The following STAU2 variants were observed in gnomAD, a reference collection of about 807,000 sequenced individuals.
STAU2 encodes the protein double-stranded RNA-binding protein Staufen homolog 2.
Under a neutral mutation model 65.9 loss-of-function variants are expected in STAU2, and 20 were observed. The ratio of observed to expected loss-of-function variants is 0.30; its 90% confidence interval spans 0.21 to 0.44. STAU2 has a LOEUF of 0.44. Ranked by LOEUF, STAU2 falls within the 20% of genes least tolerant of loss-of-function variation. The pLI is 1.00. For synonymous variants in STAU2, 232 were observed against 233.9 expected (o/e 0.99, Z 0.07); for missense variants, 558 against 683.9 (o/e 0.82, Z 2.05).
intron 6 of STAU2, among the ~76,000 whole-genome samples, chr8:73,627,917 G>C (rs1813808914): frequency 6.6e-6 from 1 of 151,792 alleles, no homozygotes; most frequent in Admixed American, 6.6e-5. Flanking sequence ...AATTTTGTCT[G>C]TATCAACTTT....
chr8:73,477,368 A>G (rs1247770397), intron 13 of STAU2, among the ~76,000 whole-genome samples: 1 of 152,210 alleles, frequency 6.6e-6, no homozygotes, highest in South Asian at 2.1e-4. Flanking sequence ...TTTTTCAACA[A>G]AAGAGATCAA....
intron 13 of STAU2, among the ~76,000 whole-genome samples, chr8:73,507,020 C>G (rs938054506): frequency 6.6e-6 from 1 of 152,162 alleles, no homozygotes; most frequent in African/African-American, 2.4e-5. Context: ...ACTATTTCTA[C>G]CACACCAGTA....
At chr8:73,582,299 T>A (rs1307993278) in intron 12 of STAU2, among the ~76,000 whole-genome samples, 1 of 151,924 alleles carries the variant, frequency 6.6e-6, no homozygotes, top group Non-Finnish European at 1.5e-5. Flanking sequence ...TAGGCAATGT[T>A]AAGTGAAAAC....
At chr8:73,610,036 T>C (rs1812330562) in intron 9 of STAU2, among the ~76,000 whole-genome samples, 1 of 152,118 alleles carries the variant, frequency 6.6e-6, no homozygotes, top group Non-Finnish European at 1.5e-5. Context: ...CGCAGCACTT[T>C]GGGAGGCCAA....
intron 13 of STAU2, among the ~76,000 whole-genome samples, chr8:73,479,578 A>G (rs929829915): frequency 6.6e-6 from 1 of 152,044 alleles, no homozygotes; most frequent in African/African-American, 2.4e-5. Flanking sequence ...CATTAAAATA[A>G]AAATGATAAT....
intron 5 of STAU2, among the ~76,000 whole-genome samples, chr8:73,679,665 T>C (rs1178846060): frequency 7.3e-6 from 1 of 136,668 alleles, no homozygotes; most frequent in East Asian, 2.5e-4. Context: ...GTGGATCGCT[T>C]GAGCCCAGTT....
intron 13 of STAU2, among the ~76,000 whole-genome samples, chr8:73,485,973 T>TG (rs1820890015): frequency 1.3e-5 from 2 of 152,240 alleles, no homozygotes; most frequent in African/African-American, 4.8e-5. Context: ...AAGGACTGTG[T>TG]GGGGGTCCAG....
chr8:73,463,062 T>C (rs945461977), intron 13 of STAU2, among the ~76,000 whole-genome samples: 1 of 152,198 alleles, frequency 6.6e-6, no homozygotes, highest in Admixed American at 6.5e-5. Context: ...TGAGGCACAG[T>C]GGAGAAGCAG....
rs184535238 is a variant in STAU2, at chr8:73,435,797, T to C, written c.1531-13095A>G. On this transcript the variant is annotated intron_variant, in intron 13 of 14. Transcript: ENST00000524300. ...GTCTGGGGTCTGCAAAGGAGATGCC[T>C]GGGAAACCTTATCTGGGAGGACTCC... 1.5e-4 allele frequency among the ~76,000 whole-genome samples: 23 copies of C among 152,060 alleles called. 1 individual carries two copies. Among genetic ancestry groups the C allele is most frequent in the Admixed American group, 4.6e-4 (7 of 15,300 alleles).
intron 13 of STAU2, among the ~76,000 whole-genome samples, chr8:73,512,268 G>T (rs1177073654): frequency 1.3e-5 from 2 of 152,108 alleles, no homozygotes; most frequent in African/African-American, 2.4e-5. Flanking sequence ...AGATCAGCTT[G>T]TCAACTGCTA....
intron 13 of STAU2, among the ~76,000 whole-genome samples, chr8:73,449,270 A>G (rs532800044): frequency 9.8e-5 from 15 of 152,326 alleles, no homozygotes; most frequent in African/African-American, 3.6e-4. Flanking sequence ...CGGAAGTCCA[A>G]GAGCAGGCAT....
chr8:73,668,921 C>G, intron 6 of STAU2: 1 of 633,710 alleles, frequency 1.6e-6, no homozygotes, highest in Non-Finnish European at 2.8e-6. Flanking sequence ...CCTAATTTTG[C>G]TTAATATTAC....
intron 4 of STAU2, among the ~76,000 whole-genome samples, chr8:73,691,107 C>T (rs2130540849): frequency 6.6e-6 from 1 of 152,250 alleles, no homozygotes; most frequent in East Asian, 1.9e-4. Context: ...ATTAAATTTA[C>T]TCTGCATGTC....
At chr8:73,634,285 CT>C in intron 6 of STAU2, among the ~76,000 whole-genome samples, 1 of 151,988 alleles carries the variant, frequency 6.6e-6, no homozygotes, top group East Asian at 1.9e-4. Flanking sequence ...TGCTCAAAAC[CT>C]GCGTTGGCCG....
At chr8:73,481,668 A>T (rs1321827077) in intron 13 of STAU2, among the ~76,000 whole-genome samples, 1 of 152,154 alleles carries the variant, frequency 6.6e-6, no homozygotes, top group Non-Finnish European at 1.5e-5. Flanking sequence ...TATGCAAAGA[A>T]CTAAAATGTT....
intron 12 of STAU2, among the ~76,000 whole-genome samples, chr8:73,567,452 A>G (rs796323493): frequency 5.9e-5 from 9 of 152,274 alleles, no homozygotes; most frequent in African/African-American, 1.9e-4. Flanking sequence ...GGTGGCAGTG[A>G]GCCAAGATTA....
At chr8:73,600,771 T>C (rs758576356) in intron 10 of STAU2, among the ~76,000 whole-genome samples, 14 of 152,352 alleles carry the variant, frequency 9.2e-5, no homozygotes, top group Non-Finnish European at 1.6e-4. Context: ...CCTATTCTGA[T>C]ACCTTCAAGA....
At chr8:73,502,474 A>T (rs1821816989) in intron 13 of STAU2, among the ~76,000 whole-genome samples, 1 of 151,998 alleles carries the variant, frequency 6.6e-6, no homozygotes, top group South Asian at 2.1e-4. Flanking sequence ...GTTCCCACTA[A>T]TATCCAAAGA....
chr8:73,497,823 G>A (rs1333528601), intron 13 of STAU2, among the ~76,000 whole-genome samples: 1 of 151,588 alleles, frequency 6.6e-6, no homozygotes, highest in Non-Finnish European at 1.5e-5. Context: ...TAACACACTC[G>A]AGTGTTTCTT....
Sources: gnomAD v4.1 joint callset for allele counts (sites outside exome capture counted in the v4.1 genomes callset) on GRCh38, gnomAD v4.1.1 for gene constraint, MANE v1.5 for transcripts, NCBI Gene and HGNC (gene_info 2026-07-23, HGNC 2026-07-21) for gene names.